Variants in MIPOL1 observed in about 807,000 individuals in gnomAD.
MIPOL1 encodes mirror-image polydactyly gene 1 protein.
A neutral mutation model predicts 60.9 loss-of-function variants in MIPOL1; 57 were observed. That is an observed-to-expected ratio of 0.94 (90% confidence interval 0.76 to 1.17). The LOEUF (loss-of-function observed/expected upper bound fraction) is 1.17. MIPOL1 is among the 50% of genes most tolerant of loss of function. The pLI is 0.00. For synonymous variants in MIPOL1, 179 were observed against 168.8 expected, an observed-to-expected ratio of 1.06 and a Z score of -0.47; for missense variants, 551 against 511.6, an observed-to-expected ratio of 1.08 and a Z score of -0.74.
At chr14:37,483,439 GA>G (rs1331754385) in intron 11 of MIPOL1, among the ~76,000 whole-genome samples, 2 of 151,680 alleles carry the variant, frequency 1.3e-5, no homozygotes, top group South Asian at 2.1e-4. Context: ...TTTCCTTAAA[GA>G]AAAAAATATT....
chr14:37,459,444 C>A (rs1471718804), intron 11 of MIPOL1, among the ~76,000 whole-genome samples: 7 of 152,102 alleles, frequency 4.6e-5, no homozygotes, highest in Admixed American at 2.0e-4. Flanking sequence ...TGGAAACATA[C>A]AACCTCCCCA....
chr14:37,343,975 G>A (rs1471838494), intron 9 of MIPOL1, among the ~76,000 whole-genome samples: 1 of 151,976 alleles, frequency 6.6e-6, no homozygotes, highest in Non-Finnish European at 1.5e-5. Flanking sequence ...TAAAATATAT[G>A]TCTCCCATTC....
chr14:37,230,848 T>C (rs1423975508), intron 1 of MIPOL1, among the ~76,000 whole-genome samples: 1 of 152,064 alleles, frequency 6.6e-6, no homozygotes, highest in African/African-American at 2.4e-5. Context: ...GCCGATGAGA[T>C]AATAATATTA....
chr14:37,353,479 A>T (rs1046673906), intron 9 of MIPOL1, among the ~76,000 whole-genome samples: 4 of 151,734 alleles, frequency 2.6e-5, no homozygotes, highest in African/African-American at 7.3e-5. Context: ...TCAGAAGGAA[A>T]GGTACCAGTT....
At position 37,345,088 on chromosome 14, in the gene MIPOL1, G is replaced by A. The variant is rs184814892; in HGVS notation, c.829-24429G>A. 4.7e-3 allele frequency among the ~76,000 whole-genome samples: 716 copies of A among 151,396 alleles called. 4 individuals are homozygous for A. Among genetic ancestry groups the A allele is most frequent in the African/African-American group, 0.015 (633 of 41,326 alleles). On this transcript the variant is annotated intron_variant, in intron 9 of 12. Transcript: ENST00000684589. ...CAATATCCTCCAACATTAACAATTT[G>A]ATTTTTAGTTTTTTATTTTATTTTT...
intron 9 of MIPOL1, among the ~76,000 whole-genome samples, chr14:37,313,620 A>G (rs970361380): frequency 6.6e-6 from 1 of 152,158 alleles, no homozygotes; most frequent in Non-Finnish European, 1.5e-5. Context: ...AAGTCTTGTC[A>G]TAGAGACTTA....
intron 1 of MIPOL1, among the ~76,000 whole-genome samples, chr14:37,227,394 A>G (rs1004130845): frequency 6.6e-5 from 10 of 152,256 alleles, no homozygotes; most frequent in African/African-American, 2.2e-4. Flanking sequence ...GAGTCATTGT[A>G]TACTATCTCT....
At chr14:37,234,366 T>G (rs199902674) in intron 1 of MIPOL1, among the ~76,000 whole-genome samples, 1 of 151,564 alleles carries the variant, frequency 6.6e-6, no homozygotes, top group African/African-American at 2.4e-5. Flanking sequence ...CTTTTCTTTT[T>G]TTTTTTTTCA....
intron 11 of MIPOL1, among the ~76,000 whole-genome samples, chr14:37,477,785 C>T (rs2094800288): frequency 6.6e-6 from 1 of 152,210 alleles, no homozygotes; most frequent in African/African-American, 2.4e-5. Context: ...TACACAAGCA[C>T]ACCTACAAAG....
chr14:37,376,092 A>G (rs1268205573), intron 10 of MIPOL1, among the ~76,000 whole-genome samples: 2 of 152,126 alleles, frequency 1.3e-5, no homozygotes, highest in African/African-American at 4.8e-5. Context: ...GTTTCCATAT[A>G]TTCACTGGTC....
intron 1 of MIPOL1, among the ~76,000 whole-genome samples, chr14:37,201,637 C>T (rs1196896775): frequency 2.6e-5 from 4 of 152,020 alleles, no homozygotes; most frequent in Non-Finnish European, 4.4e-5. Context: ...TGACTTGGGC[C>T]GTGAAGCTCA....
chr14:37,288,944 A>G (rs2084818362), intron 7 of MIPOL1, among the ~76,000 whole-genome samples: 1 of 152,246 alleles, frequency 6.6e-6, no homozygotes, highest in Non-Finnish European at 1.5e-5. Flanking sequence ...AAAGAAAGAA[A>G]GAAGCACTTT....
chr14:37,200,766 T>C (rs11850688), intron 1 of MIPOL1, among the ~76,000 whole-genome samples: 47,022 of 149,584 alleles, frequency 0.31, 7,568 homozygotes, highest in African/African-American at 0.37. Flanking sequence ...TTTGTTCAAT[T>C]TTTTGCCAAT....
intron 9 of MIPOL1, among the ~76,000 whole-genome samples, chr14:37,317,285 C>A (rs2088015885): frequency 6.6e-6 from 1 of 152,112 alleles, no homozygotes; most frequent in African/African-American, 2.4e-5. Context: ...AGTTTGAAAT[C>A]ATTGTCTTTG....
At chr14:37,465,976 T>C (rs928942796) in intron 11 of MIPOL1, among the ~76,000 whole-genome samples, 3 of 152,160 alleles carry the variant, frequency 2.0e-5, no homozygotes, top group Non-Finnish European at 4.4e-5. Context: ...TTTTTTTGCT[T>C]AGCTAGGAGT....
intron 11 of MIPOL1, among the ~76,000 whole-genome samples, chr14:37,425,231 G>A (rs2153554101): frequency 6.6e-6 from 1 of 152,284 alleles, no homozygotes; most frequent in Admixed American, 6.5e-5. Flanking sequence ...ATTCCAAGAG[G>A]TATATGATGA....
chr14:37,442,579 G>A (rs1308997493), intron 11 of MIPOL1, among the ~76,000 whole-genome samples: 3 of 151,882 alleles, frequency 2.0e-5, no homozygotes, highest in African/African-American at 7.2e-5. Flanking sequence ...TTATCCTGAA[G>A]GGATGTTGAA....
At chr14:37,523,405 C>T (rs2095426656) in intron 12 of MIPOL1, 2 of 353,118 alleles carry the variant, frequency 5.7e-6, no homozygotes, top group African/African-American at 2.1e-5. Flanking sequence ...TTACAGATAT[C>T]CCAGGAAGTA....
chr14:37,394,697 T>G (rs940048088), intron 10 of MIPOL1, among the ~76,000 whole-genome samples: 15 of 152,188 alleles, frequency 9.9e-5, no homozygotes, highest in African/African-American at 3.6e-4. Context: ...GTGAAGATTT[T>G]CTCCCACTTG....
Sources: allele counts gnomAD v4.1 joint callset (sites outside exome capture counted in the v4.1 genomes callset), GRCh38; gene constraint gnomAD v4.1.1; transcripts MANE v1.5; gene names NCBI Gene and HGNC (gene_info 2026-07-23, HGNC 2026-07-21).